IGF1R: variants seen among roughly 807,000 people sequenced by gnomAD.
The protein encoded by IGF1R is insulin like growth factor 1 receptor.
IGF1R carries 44 observed loss-of-function variants against 144.6 expected under a neutral mutation model. That is an observed-to-expected ratio of 0.30 (90% CI 0.24 to 0.39). IGF1R has a LOEUF of 0.39. IGF1R is among the 10% of genes least tolerant of loss of function. The pLI is 1.00. For missense variants in IGF1R, 1,355 were observed against 1,833.7 expected (o/e 0.74, Z 4.77); for synonymous variants, 795 against 722.8 (o/e 1.10, Z -1.60).
intron 2 of IGF1R, among the ~76,000 whole-genome samples, chr15:98,799,380 AC>A (rs1196577255): frequency 2.2e-5 from 3 of 137,084 alleles, no homozygotes; most frequent in African/African-American, 8.1e-5. Flanking sequence ...AAAAAAAAAA[AC>A]CCAAACCACC....
chr15:98,735,894 G>A (rs189511433), intron 2 of IGF1R, among the ~76,000 whole-genome samples: 270 of 152,260 alleles, frequency 1.8e-3, no homozygotes, highest in Non-Finnish European at 1.8e-3. Flanking sequence ...GGCTCCTCCT[G>A]CCTCCTCCCA....
At chr15:98,699,070 G>A (rs1331886900) in intron 1 of IGF1R, among the ~76,000 whole-genome samples, 1 of 152,260 alleles carries the variant, frequency 6.6e-6, no homozygotes, top group Non-Finnish European at 1.5e-5. Context: ...CTGGTTCTGA[G>A]AAGAAAGTTG....
chr15:98,942,955 G>T lies in IGF1R; in HGVS notation c.3490G>T (p.Asp1164Tyr). Residue 1164 changes from aspartate (D) to tyrosine (Y), a missense_variant, in exon 19 of 21, where the codon GAC becomes TAC. By Grantham distance (160) the Asp-to-Tyr change is radical. This residue lies in a region of IGF1R where 77 missense variants were observed against 163.2 expected (regional missense o/e 0.47). Coordinates refer to ENST00000650285, the MANE Select transcript of IGF1R (RefSeq NM_000875.5). ...FGMTRDIYETDYYRKGGKGLL... is the reference protein window; with the variant it reads ...FGMTRDIYETYYYRKGGKGLL... ...TATGACGCGAGATATCTATGAGACA[G>T]ACTATTACCGGAAAGGAGGGAAAGG... 1 of 1,614,196 alleles carries T rather than the reference G, an allele frequency of 6.2e-7. No individual in the cohort carries two copies.
At position 98,891,840 on chromosome 15, in the gene IGF1R, CA is replaced by C. The variant is rs2013939879; in HGVS notation, c.953+204del. Among the ~76,000 whole-genome samples, 1 of 152,154 alleles carries C rather than the reference CA, an allele frequency of 6.6e-6. No homozygotes were observed. Among genetic ancestry groups the C allele is most frequent in the Admixed American group, 6.5e-5 (1 of 15,272 alleles). ...TGGCATGGCTTACCGCCCCCCTCAC[CA>C]GTTTGTTTTATATTTTAAGTGCATA... On this transcript the variant is annotated intron_variant, in intron 3 of 20. Coordinates refer to ENST00000650285, the MANE Select transcript of IGF1R (RefSeq NM_000875.5). The surrounding 1 kb of genome is among the most constrained non-coding windows in gnomAD (Gnocchi z 4.7).
chr15:98,952,966 T>A (rs888640317), intron 20 of IGF1R: 1 of 151,980 alleles, frequency 6.6e-6, no homozygotes, highest in African/African-American at 2.4e-5. Context: ...TCCTTCTGAG[T>A]TTACTGATGA....
intron 2 of IGF1R, among the ~76,000 whole-genome samples, chr15:98,878,689 AAAAAAACAAC>A (rs2013198480): frequency 3.6e-5 from 5 of 140,064 alleles, no homozygotes; most frequent in African/African-American, 1.5e-4. Flanking sequence ...AAAAAAAAAA[AAAAAAACAAC>A]AACAAAAAAA....
intron 2 of IGF1R, among the ~76,000 whole-genome samples, chr15:98,832,344 C>T (rs1383592630): frequency 1.3e-5 from 2 of 152,208 alleles, no homozygotes; most frequent in East Asian, 1.9e-4. Context: ...TGCCTTATTC[C>T]CCACAGGGTC....
intron 2 of IGF1R, among the ~76,000 whole-genome samples, chr15:98,743,038 A>T (rs2054783372): frequency 6.6e-6 from 1 of 152,142 alleles, no homozygotes; most frequent in African/African-American, 2.4e-5. Context: ...TTAAGGAAAC[A>T]GTGTGTTGTG....
At chr15:98,915,903 C>T in intron 8 of IGF1R, 61 bp from the exon 9 acceptor site, 3 of 1,525,194 alleles carry the variant, frequency 2.0e-6, no homozygotes, top group Non-Finnish European at 2.7e-6. Context: ...GCCAGAGTAT[C>T]TGATAGCCTG....
chr15:98,957,660 A>G lies in IGF1R; in HGVS notation c.*218A>G. 1.6e-6 allele frequency: 1 copy of G among 613,796 alleles called. No individual in the cohort carries two copies. Among genetic ancestry groups the G allele is most frequent in the Non-Finnish European group, 2.9e-6 (1 of 347,710 alleles). 38.0% of individuals were successfully genotyped at this position (613,796 alleles called of 1,614,324 possible). A position where few individuals can be genotyped will look rare whatever the true frequency, so the allele number is the denominator to read the frequency against. On this transcript the variant is annotated 3_prime_UTR_variant, in exon 21 of 21. Coordinates refer to ENST00000650285, the MANE Select transcript of IGF1R (RefSeq NM_000875.5). ...AAGCAGCTTTTTATTCCCTGCCCAA[A>G]CCCTTAACTGACATGGGCCTTTAAG...
rs568160912 is a variant in IGF1R, at chr15:98,963,016, T to G, written c.*5574T>G. ...TTTTAACTAGTCACTCATTAGCGTT[T>G]TCAATAGGGCTCTTAAGTCCAGTAG... On this transcript the variant is annotated 3_prime_UTR_variant, in exon 21 of 21. Transcript: ENST00000650285. The G allele has an allele frequency of 4.3e-6, 1 of 233,720 alleles. No homozygotes were observed. The highest frequency in any genetic ancestry group is 1.8e-4 in the South Asian group (1 of 5,528). 14.5% of individuals were successfully genotyped at this position (233,720 alleles called of 1,614,324 possible).
At chr15:98,763,378 G>C (rs1204697712) in intron 2 of IGF1R, among the ~76,000 whole-genome samples, 26 of 152,070 alleles carry the variant, frequency 1.7e-4, no homozygotes, top group Admixed American at 1.7e-3. Flanking sequence ...GGTTGCAAAT[G>C]ACCTGGAGGG....
intron 5 of IGF1R, among the ~76,000 whole-genome samples, 168 bp from the exon 6 acceptor site, chr15:98,908,517 T>C (rs1021028571): frequency 6.6e-6 from 1 of 152,260 alleles, no homozygotes; most frequent in Non-Finnish European, 1.5e-5. Flanking sequence ...GCTGCCATTG[T>C]TAACAGCAAC....
At chr15:98,857,586 G>A (rs774829844) in intron 2 of IGF1R, among the ~76,000 whole-genome samples, 4 of 152,144 alleles carry the variant, frequency 2.6e-5, no homozygotes, top group Non-Finnish European at 5.9e-5. Flanking sequence ...GTCTAGCACC[G>A]TCCAGTGGAA....
At chr15:98,918,750 A>C (rs1191880167) in intron 10 of IGF1R, among the ~76,000 whole-genome samples, 1 of 152,170 alleles carries the variant, frequency 6.6e-6, no homozygotes, top group African/African-American at 2.4e-5. Context: ...GTGGTGGTGC[A>C]CACCTGTAAT....
At chr15:98,760,333 CAGAG>C (rs1210860233) in intron 2 of IGF1R, among the ~76,000 whole-genome samples, 3 of 150,754 alleles carry the variant, frequency 2.0e-5, no homozygotes, top group African/African-American at 7.3e-5. Context: ...GCCTGAGCAA[CAGAG>C]AGAGACTGCC....
Position 98,948,583 on chromosome 15 carries a change from G to A in IGF1R, c.3597G>A (p.Gly1199=), listed in dbSNP as rs1354830527. The part of the protein sequence containing the change: ...FTTYSDVWSF[G]VVLWEIATLA... ...TTTTTTCTCCCTGTAGGTCCTTCGG[G>A]GTCGTCCTCTGGGAGATCGCCACAC... is the stretch of plus-strand genomic sequence containing the variant. Residue 1199 remains glycine (G), a synonymous_variant, in exon 20 of 21, where the codon GGG becomes GGA. Transcript: ENST00000650285. The A allele has an allele frequency of 1.2e-6, 2 of 1,613,936 alleles. No homozygotes were observed. Among genetic ancestry groups the A allele is most frequent in the Non-Finnish European group, 1.7e-6 (2 of 1,179,994 alleles).
intron 10 of IGF1R, among the ~76,000 whole-genome samples, chr15:98,920,229 C>CA (rs976758933): frequency 4.6e-5 from 7 of 151,800 alleles, no homozygotes; most frequent in Admixed American, 6.6e-5. Flanking sequence ...AGTTGTTTAC[C>CA]AAAAAAAATG....
At chr15:98,714,590 GTGAGC>G (rs576974418) in intron 2 of IGF1R, among the ~76,000 whole-genome samples, 424 of 151,990 alleles carry the variant, frequency 2.8e-3, no homozygotes, top group Non-Finnish European at 4.8e-3. Flanking sequence ...GGAGGTTACA[GTGAGC>G]CGTGGTTGTG....
Sources: gnomAD v4.1 joint callset for allele counts (sites outside exome capture counted in the v4.1 genomes callset) on GRCh38, gnomAD v4.1.1 for gene constraint, gnomAD v4.1.1 regional missense constraint, Gnocchi (gnomAD v3.1) non-coding constraint, MANE v1.5 for transcripts, NCBI Gene and HGNC (gene_info 2026-07-23, HGNC 2026-07-21) for gene names.